Variants in PTPRD observed in about 807,000 individuals in gnomAD.
PTPRD encodes the protein receptor-type tyrosine-protein phosphatase delta.
Under a neutral mutation model 214.5 loss-of-function variants are expected in PTPRD, and 34 were observed. The observed-to-expected ratio is 0.16, with a 90% CI of 0.12 to 0.21. The LOEUF (loss-of-function observed/expected upper bound fraction) is 0.21. Among genes scored for constraint, PTPRD ranks in the 10% least tolerant of loss-of-function variants. PTPRD has a pLI of 1.00. For missense variants in PTPRD, 2,545 were observed against 2,398.7 expected, an observed-to-expected ratio of 1.06 and a Z score of -1.27; for synonymous variants, 1,128 against 845.7, an observed-to-expected ratio of 1.33 and a Z score of -5.79.
At chr9:10,448,516 A>G (rs2098815110) in intron 2 of PTPRD, among the ~76,000 whole-genome samples, 1 of 152,042 alleles carries the variant, frequency 6.6e-6, no homozygotes, top group African/African-American at 2.4e-5. Context: ...GAGATGAAAT[A>G]TAATAGGAAG....
chr9:9,095,759 C>A (rs2099782595), intron 10 of PTPRD, among the ~76,000 whole-genome samples: 1 of 152,122 alleles, frequency 6.6e-6, no homozygotes, highest in Non-Finnish European at 1.5e-5. Flanking sequence ...TGAGCATATA[C>A]CCAAAGGAAA....
intron 14 of PTPRD, among the ~76,000 whole-genome samples, chr9:8,631,061 A>C (rs1474570701): frequency 6.6e-6 from 1 of 151,926 alleles, no homozygotes; most frequent in East Asian, 1.9e-4. Context: ...AAAGCAGATG[A>C]ACAAATGAGC....
At chr9:8,840,620 T>C (rs2097539500) in intron 11 of PTPRD, among the ~76,000 whole-genome samples, 1 of 152,190 alleles carries the variant, frequency 6.6e-6, no homozygotes. Context: ...AATGGGATGA[T>C]TTATATTTCT....
At chr9:8,578,115 G>A (rs1052647892) in intron 14 of PTPRD, among the ~76,000 whole-genome samples, 2 of 152,114 alleles carry the variant, frequency 1.3e-5, no homozygotes, top group Admixed American at 6.5e-5. Context: ...CATGCTATCG[G>A]TCTGTACATA....
At chr9:10,462,330 T>G (rs2098965031) in intron 2 of PTPRD, among the ~76,000 whole-genome samples, 1 of 152,186 alleles carries the variant, frequency 6.6e-6, no homozygotes, top group African/African-American at 2.4e-5. Flanking sequence ...GTATTTTATA[T>G]AATCTGCAAA....
intron 10 of PTPRD, among the ~76,000 whole-genome samples, chr9:9,061,559 G>T (rs2099707442): frequency 6.6e-6 from 1 of 151,954 alleles, no homozygotes; most frequent in South Asian, 2.1e-4. Flanking sequence ...TACACCCCAA[G>T]GTTGTCAACT....
Position 8,508,135 on chromosome 9 carries a change from A to G in PTPRD, c.1544-701T>C, listed in dbSNP as rs7852094. On this transcript the variant is annotated intron_variant, in intron 21 of 45. Coordinates refer to ENST00000381196, the MANE Select transcript of PTPRD (RefSeq NM_002839.4). The stretch of plus-strand genomic sequence containing the variant: ...ACAAAGCTAAACTACTACAAAAATT[A>G]AGAAGTTTATAGGATACACTTATCA... 6.1e-3 allele frequency among the ~76,000 whole-genome samples: 932 copies of G among 152,356 alleles called. 6 individuals are homozygous for G. Among genetic ancestry groups the G allele is most frequent in the African/African-American group, 0.021 (861 of 41,586 alleles).
intron 11 of PTPRD, among the ~76,000 whole-genome samples, chr9:8,748,566 C>T (rs952612084): frequency 1.5e-4 from 16 of 110,086 alleles, no homozygotes; most frequent in African/African-American, 3.2e-4. Context: ...AAAGAAAATG[C>T]GCTTACTTCT....
intron 3 of PTPRD, among the ~76,000 whole-genome samples, chr9:10,296,764 G>T (rs903371168): frequency 3.3e-5 from 5 of 152,062 alleles, no homozygotes; most frequent in Non-Finnish European, 7.4e-5. Flanking sequence ...TCAGTTTACT[G>T]TAGTGAAATT....
intron 2 of PTPRD, among the ~76,000 whole-genome samples, chr9:10,369,694 A>G (rs2097575885): frequency 6.6e-6 from 1 of 152,052 alleles, no homozygotes; most frequent in Non-Finnish European, 1.5e-5. Context: ...CTTTTTCTAT[A>G]CACTGAATAT....
At chr9:8,901,694 C>T (rs767904745) in intron 11 of PTPRD, among the ~76,000 whole-genome samples, 1 of 152,172 alleles carries the variant, frequency 6.6e-6, no homozygotes, top group Non-Finnish European at 1.5e-5. Context: ...CTAGTGTATC[C>T]TAAATCAGAA....
At chr9:10,577,763 C>A (rs1354712179) in intron 2 of PTPRD, among the ~76,000 whole-genome samples, 2 of 152,020 alleles carry the variant, frequency 1.3e-5, no homozygotes, top group Non-Finnish European at 2.9e-5. Flanking sequence ...TTAAAACAAG[C>A]AAACTTACAC....
intron 5 of PTPRD, among the ~76,000 whole-genome samples, chr9:9,826,153 A>G (rs1406451355): frequency 6.6e-6 from 1 of 151,674 alleles, no homozygotes; most frequent in East Asian, 1.9e-4. Context: ...AATAGTTTTT[A>G]CGTCTTTCTA....
intron 8 of PTPRD, among the ~76,000 whole-genome samples, chr9:9,572,347 T>A (rs1591887350): frequency 2.0e-5 from 3 of 151,376 alleles, no homozygotes; most frequent in South Asian, 2.1e-4. Context: ...TTTAAGAATG[T>A]AAGAATGTTA....
intron 9 of PTPRD, among the ~76,000 whole-genome samples, chr9:9,209,087 C>T (rs1569562344): frequency 6.6e-6 from 1 of 152,122 alleles, no homozygotes; most frequent in African/African-American, 2.4e-5. Flanking sequence ...GAATTACAGG[C>T]TTGAGCCACC....
chr9:10,018,590 C>T (rs1466642786), intron 4 of PTPRD, among the ~76,000 whole-genome samples: 1 of 113,044 alleles, frequency 8.8e-6, no homozygotes, highest in Non-Finnish European at 1.7e-5. Flanking sequence ...CTCTGTCGCC[C>T]AGGCTGGAGT....
chr9:9,216,027 C>T (rs942624696), intron 9 of PTPRD, among the ~76,000 whole-genome samples: 1 of 152,078 alleles, frequency 6.6e-6, no homozygotes, highest in Non-Finnish European at 1.5e-5. Context: ...CTGTGTGGTT[C>T]AGAACACACA....
chr9:9,930,581 G>C (rs2086139618), intron 5 of PTPRD, among the ~76,000 whole-genome samples: 1 of 152,000 alleles, frequency 6.6e-6, no homozygotes, highest in Admixed American at 6.6e-5. Context: ...ATTTGATAAA[G>C]AAAAATCTTA....
At chr9:8,882,834 G>A (rs1248258676) in intron 11 of PTPRD, among the ~76,000 whole-genome samples, 2 of 135,654 alleles carry the variant, frequency 1.5e-5, no homozygotes, top group East Asian at 2.3e-4. Flanking sequence ...GCCGTAAGCC[G>A]AGATCACACC....
Sources: allele counts gnomAD v4.1 joint callset (sites outside exome capture counted in the v4.1 genomes callset), GRCh38; gene constraint gnomAD v4.1.1; transcripts MANE v1.5; gene names NCBI Gene and HGNC (gene_info 2026-07-23, HGNC 2026-07-21).